Variants in GNB1L observed in about 807,000 individuals in gnomAD.
GNB1L encodes guanine nucleotide-binding protein subunit beta-like protein 1.
Under a neutral mutation model 29.1 loss-of-function variants are expected in GNB1L, and 20 were observed. The observed-to-expected ratio is 0.69, with a 90% CI of 0.48 to 1.00. GNB1L has a LOEUF of 1.00. GNB1L is among the 50% of genes least tolerant of loss of function. The pLI, the probability that GNB1L is intolerant of heterozygous loss-of-function variation, is 0.00. For missense variants in GNB1L, 421 were observed against 464.9 expected (o/e 0.91, Z 0.87); for synonymous variants, 193 against 206.5 (o/e 0.93, Z 0.56).
chr22:19,810,638 T>C (rs1368264713), intron 5 of GNB1L, among the ~76,000 whole-genome samples: 1 of 152,136 alleles, frequency 6.6e-6, no homozygotes, highest in Admixed American at 6.5e-5. Flanking sequence ...GGCACCTGAC[T>C]GCAACTTTTG....
intron 2 of GNB1L, among the ~76,000 whole-genome samples, chr22:19,824,907 A>G (rs573074628): frequency 1.3e-5 from 2 of 152,336 alleles, no homozygotes; most frequent in East Asian, 3.9e-4. Context: ...TTCATGCCAG[A>G]CAGGCCTCAG....
intron 7 of GNB1L, among the ~76,000 whole-genome samples, chr22:19,789,720 C>T (rs1937231615): frequency 6.6e-6 from 1 of 151,978 alleles, no homozygotes; most frequent in Non-Finnish European, 1.5e-5. Context: ...GTGGCATGTG[C>T]CTGTAATCCC....
chr22:19,849,699 A>G, intron 2 of GNB1L: 1 of 985,332 alleles, frequency 1.0e-6, no homozygotes, highest in Non-Finnish European at 1.2e-6. Context: ...GATGCTTGCT[A>G]ATTAGTTTTT....
At chr22:19,806,850 CTG>C in intron 5 of GNB1L, 93 bp from the exon 6 acceptor site, 1 of 887,678 alleles carries the variant, frequency 1.1e-6, no homozygotes, top group Non-Finnish European at 1.8e-6. Context: ...GCCCGGGCTG[CTG>C]TGAGTTTCTG....
chr22:19,790,162 G>A (rs544214502), intron 7 of GNB1L, among the ~76,000 whole-genome samples: 15 of 152,324 alleles, frequency 9.8e-5, no homozygotes, highest in Non-Finnish European at 1.9e-4. Context: ...CTCCAGTCTC[G>A]TAAGAGATAA....
At chr22:19,819,874 G>A (rs145725880) in intron 4 of GNB1L, among the ~76,000 whole-genome samples, 8 of 152,232 alleles carry the variant, frequency 5.3e-5, no homozygotes, top group East Asian at 1.9e-4. Flanking sequence ...CTTCAGAAAC[G>A]CAGAAGCACA....
intron 2 of GNB1L, chr22:19,851,194 TC>T (rs1208980328): frequency 1.8e-5 from 28 of 1,590,806 alleles, no homozygotes; most frequent in Non-Finnish European, 2.3e-5. Context: ...GTGGTGGCTC[TC>T]CTGGGGTCTC....
At chr22:19,837,320 A>AT (rs1937783225) in intron 2 of GNB1L, among the ~76,000 whole-genome samples, 1 of 152,210 alleles carries the variant, frequency 6.6e-6, no homozygotes. Context: ...GGGGAAAAAT[A>AT]TTTTCAAATG....
chr22:19,834,404 G>A (rs891108532), intron 2 of GNB1L, among the ~76,000 whole-genome samples: 3 of 152,146 alleles, frequency 2.0e-5, no homozygotes, highest in Non-Finnish European at 4.4e-5. Context: ...AAGTTCTTCA[G>A]GTTCAAAAGA....
At chr22:19,844,778 C>T (rs932338324) in intron 2 of GNB1L, among the ~76,000 whole-genome samples, 3 of 152,236 alleles carry the variant, frequency 2.0e-5, no homozygotes, top group Non-Finnish European at 4.4e-5. Context: ...CGGGCAGAGG[C>T]AGGAACCCAG....
rs115309470 is a variant in GNB1L at position 19,821,269 on chromosome 22, G to A, written c.87C>T (p.Cys29=). The change falls in exon 3 of 8, where the codon TGC becomes TGT. Residue 29 remains cysteine (C), a synonymous_variant. Coordinates refer to ENST00000329517, the MANE Select transcript of GNB1L (RefSeq NM_053004.3). ...GGCGCCCCTGAGCCTGGGCTCCTTC[G>A]CAGAAGTGCAGCGCATGCACCGGTG... The part of the protein sequence containing the change: ...TQSPVHALHF[C]EGAQAQGRPL... 3.9e-4 allele frequency: 627 copies of A among 1,613,178 alleles called. 5 individuals are homozygous for A. The African/African-American group carries it at 7.4e-3, about 19-fold the overall frequency.
Position 19,786,661 on chromosome 22 carries a change from G to C in GNB1L, c.*2048C>G, listed in dbSNP as rs1937194169. On this transcript the variant is annotated 3_prime_UTR_variant, in exon 8 of 8. Transcript: ENST00000329517. ...TGTGCCTTTGGCAAGGCTGTCAAGG[G>C]CATGCAGGGAAACTGCAAAGCCAAT... is the stretch of plus-strand genomic sequence containing the variant. The C allele has an allele frequency of 6.6e-6, 1 of 152,196 alleles. No individual in the cohort carries two copies. The highest frequency in any genetic ancestry group is 2.1e-4 in the South Asian group (1 of 4,838). The allele number at this position is 152,196 out of a possible 1,614,324, so 9.4% of individuals were successfully genotyped here.
In GNB1L at chr22:19,832,254, C is replaced by G. The variant is rs1234262736; in HGVS notation, c.-20-10879G>C. On this transcript the variant is annotated intron_variant, in intron 2 of 7. Transcript: ENST00000329517. ...CTGAGGTGGGAGGATCACTTAAGCC[C>G]AGGAGTTCAAGGCTGCAGCGAGCTG... Among the ~76,000 whole-genome samples, 3 of 152,138 alleles carry G rather than the reference C, an allele frequency of 2.0e-5. No homozygotes were observed. The South Asian group carries it at 6.2e-4, about 32-fold the overall frequency.
intron 4 of GNB1L, 38 bp downstream of exon 4, chr22:19,820,560 C>A: frequency 6.3e-7 from 1 of 1,592,146 alleles, no homozygotes; most frequent in Non-Finnish European, 8.6e-7. Context: ...CTGACTCCCC[C>A]GAAGGCCATA....
rs1047173459 is a variant in GNB1L at position 19,785,277 on chromosome 22, C to T, written c.*3432G>A. 53 of 152,022 alleles carry T rather than the reference C, an allele frequency of 3.5e-4. No individual in the cohort carries two copies. The highest frequency in any genetic ancestry group is 1.3e-3 in the African/African-American group (52 of 41,344). The allele number at this position is 152,022 out of a possible 1,614,324, so 9.4% of individuals were successfully genotyped here. A position where few individuals can be genotyped will look rare whatever the true frequency, so the allele number is the denominator to read the frequency against. ...ATTAGCTGGGCATGATGGCCTGCAC[C>T]TATGTGGGTGGTCCTGAGCTTCTCG... is the stretch of plus-strand genomic sequence containing the variant. On this transcript the variant is annotated 3_prime_UTR_variant, in exon 8 of 8. Transcript: ENST00000329517. The surrounding 1 kb of genome is among the most constrained non-coding windows in gnomAD (Gnocchi z 4.1).
chr22:19,850,330 C>T, intron 2 of GNB1L: 1 of 984,660 alleles, frequency 1.0e-6, no homozygotes, highest in Non-Finnish European at 1.2e-6. Context: ...CACAGTCTGC[C>T]AGGAGGGAGA....
intron 2 of GNB1L, among the ~76,000 whole-genome samples, chr22:19,828,830 T>C (rs1338245111): frequency 2.0e-5 from 3 of 149,424 alleles, no homozygotes; most frequent in Non-Finnish European, 4.4e-5. Context: ...CATACTACTC[T>C]TTTTCTTTTT....
chr22:19,805,957 C>G (rs754798886), intron 6 of GNB1L, among the ~76,000 whole-genome samples: 39 of 152,062 alleles, frequency 2.6e-4, no homozygotes, highest in Non-Finnish European at 4.0e-4. Context: ...CATGAGCGGC[C>G]CCGAGGAGGG....
chr22:19,839,843 G>T (rs778225370), intron 2 of GNB1L, among the ~76,000 whole-genome samples: 1 of 151,338 alleles, frequency 6.6e-6, no homozygotes. Context: ...TCGTACCACT[G>T]CACTCCAGCC....
Sources: allele counts gnomAD v4.1 joint callset (sites outside exome capture counted in the v4.1 genomes callset), GRCh38; gene constraint gnomAD v4.1.1; non-coding constraint Gnocchi (gnomAD v3.1); transcripts MANE v1.5; gene names NCBI Gene and HGNC (gene_info 2026-07-23, HGNC 2026-07-21).